Variants in SLC5A10 observed in about 807,000 individuals in gnomAD.
The protein encoded by SLC5A10 is solute carrier family 5 member 10, also known as sodium/mannose cotransporter SLC5A10.
Under a neutral mutation model 68.9 loss-of-function variants are expected in SLC5A10, and 55 were observed. The ratio of observed to expected loss-of-function variants is 0.80; its 90% CI spans 0.64 to 1.00. The LOEUF is 1.00. Ranked by LOEUF, SLC5A10 falls within the 50% of genes least tolerant of loss-of-function variation. The pLI is 0.00. For synonymous variants in SLC5A10, 344 were observed against 344.8 expected, an observed-to-expected ratio of 1.00 and a Z score of 0.02; for missense variants, 732 against 819.3, an observed-to-expected ratio of 0.89 and a Z score of 1.30.
intron 9 of SLC5A10, chr17:18,978,554 T>C: frequency 3.7e-6 from 6 of 1,613,322 alleles, no homozygotes; most frequent in Non-Finnish European, 4.2e-6. Flanking sequence ...CAGGGGCTTC[T>C]TGGCCTCCTG....
In SLC5A10 at chr17:19,019,431, T is replaced by C. The variant is rs1481584677; in HGVS notation, c.1250T>C (p.Ile417Thr). The change falls in exon 12 of 15, where the codon ATA becomes ACA. Residue 417 changes from isoleucine (I) to threonine (T), a missense_variant. Physicochemically the swap from Ile to Thr is moderately conservative, Grantham distance 89. Transcript: ENST00000395645. The stretch of plus-strand genomic sequence containing the variant: ...CTTCCACTCGCCTGCAGGCTGGTCA[T>C]AGTGGCACTCATCGGCGTGAGTGTG... ...RELLLVGRLVIVALIGVSVAW... is the reference protein window; with the variant it reads ...RELLLVGRLVTVALIGVSVAW... 3 of 1,610,480 alleles carry C rather than the reference T, an allele frequency of 1.9e-6. No individual in the cohort carries two copies. The highest frequency in any genetic ancestry group is 1.7e-6 in the Non-Finnish European group (2 of 1,179,790).
chr17:19,015,069 G>T lies in SLC5A10; in HGVS notation c.1111G>T (p.Ala371Ser), dbSNP rs2044106357. The change falls in exon 11 of 15, where the codon GCA (alanine) becomes TCA (serine). Residue 371 changes from alanine to serine, a missense_variant. Physicochemically the swap from Ala to Ser is moderately conservative, Grantham distance 99. Coordinates refer to ENST00000395645, the MANE Select transcript of SLC5A10 (RefSeq NM_001042450.4). ...MPIGLRGLMIAVMLAALMSSL... is the reference protein window; with the variant it reads ...MPIGLRGLMISVMLAALMSSL... ...CCCAGGTCTGCGGGGGCTGATGATC[G>T]CAGTGATGCTGGCGGCGCTCATGTC... 2.5e-6 allele frequency: 4 copies of T among 1,613,848 alleles called. No individual in the cohort carries two copies.
At chr17:18,977,140 A>G (rs1204807766) in intron 9 of SLC5A10, 151 bp downstream of exon 9, 1 of 1,029,608 alleles carries the variant, frequency 9.7e-7, no homozygotes, top group Admixed American at 2.4e-5. Flanking sequence ...CAGGGCCACA[A>G]TCAAAGGGAT....
intron 9 of SLC5A10, chr17:18,978,870 C>T (rs758249096): frequency 1.7e-5 from 28 of 1,608,528 alleles, no homozygotes; most frequent in South Asian, 4.4e-5. Context: ...AGGGAGGGGG[C>T]GCTGGTCAGG....
chr17:18,962,810 G>C (rs2042637945), intron 5 of SLC5A10, among the ~76,000 whole-genome samples: 1 of 152,162 alleles, frequency 6.6e-6, no homozygotes, highest in African/African-American at 2.4e-5. Flanking sequence ...GGGAGACTGA[G>C]CCATGGGCAC....
At chr17:18,953,182 C>A (rs1431059790) in intron 1 of SLC5A10, among the ~76,000 whole-genome samples, 1 of 143,496 alleles carries the variant, frequency 7.0e-6, no homozygotes, top group Non-Finnish European at 1.5e-5. Flanking sequence ...GTCACCTGGG[C>A]TGGAGTGCAG....
rs1409814134 is a variant in SLC5A10 at position 18,971,676 on chromosome 17, T to C, written c.846+458T>C. 1.9e-6 allele frequency: 3 copies of C among 1,611,198 alleles called. No homozygotes were observed. Among genetic ancestry groups the C allele is most frequent in the Non-Finnish European group, 2.5e-6 (3 of 1,178,482 alleles). The stretch of plus-strand genomic sequence containing the variant: ...ACGCTGTCAGCAGCAGAGCGGTACC[T>C]AGGGGGTCCTGGGAAGCCGTCTTTA... On this transcript the variant is annotated intron_variant, in intron 8 of 14. Transcript: ENST00000395645. This position sits in a 1 kb window ranked among gnomAD's most constrained non-coding sequence, Gnocchi z 5.5.
At chr17:18,978,088 G>A (rs1416691507) in intron 9 of SLC5A10, 6 of 1,516,668 alleles carry the variant, frequency 4.0e-6, no homozygotes, top group Non-Finnish European at 4.4e-6. Flanking sequence ...GGAGCTCCAG[G>A]ACCCAGCCAA....
At chr17:18,965,481 C>T (rs2042691501) in intron 5 of SLC5A10, among the ~76,000 whole-genome samples, 1 of 152,352 alleles carries the variant, frequency 6.6e-6, no homozygotes, top group East Asian at 1.9e-4. Context: ...AGGGCAAGGG[C>T]CCAGGCCGGG....
chr17:18,958,866 C>G, intron 2 of SLC5A10, 113 bp downstream of exon 2: 2 of 1,282,668 alleles, frequency 1.6e-6, no homozygotes, highest in Non-Finnish European at 2.2e-6. Context: ...TGGAGCAGGC[C>G]GGAGGCTGGC....
At chr17:18,962,369 G>A (rs1339072536) in intron 5 of SLC5A10, among the ~76,000 whole-genome samples, 3 of 152,244 alleles carry the variant, frequency 2.0e-5, no homozygotes, top group East Asian at 3.9e-4. Flanking sequence ...GGGGGTGGTC[G>A]GGGCTGGAGG....
chr17:18,958,780 C>A (rs769095543), intron 2 of SLC5A10, 27 bp downstream of exon 2: 28 of 1,611,326 alleles, frequency 1.7e-5, no homozygotes, highest in Non-Finnish European at 2.2e-5. Flanking sequence ...TTCTCACACA[C>A]CCCCACTTTG....
At chr17:18,993,483 C>T (rs895895788) in intron 9 of SLC5A10, among the ~76,000 whole-genome samples, 1 of 152,158 alleles carries the variant, frequency 6.6e-6, no homozygotes, top group Admixed American at 6.5e-5. Context: ...ACTCACCTCA[C>T]CCTCCTAGGC....
intron 9 of SLC5A10, among the ~76,000 whole-genome samples, chr17:18,986,939 G>C (rs556057604): frequency 6.6e-6 from 1 of 152,232 alleles, no homozygotes; most frequent in Non-Finnish European, 1.5e-5. Flanking sequence ...CTAATTACGC[G>C]GCGGGGAGTG....
intron 9 of SLC5A10, among the ~76,000 whole-genome samples, chr17:19,006,617 T>G (rs1400623178): frequency 1.3e-5 from 2 of 152,170 alleles, no homozygotes; most frequent in Non-Finnish European, 2.9e-5. Flanking sequence ...TAACCACCAT[T>G]ACAGTCAAGA....
chr17:19,019,696 G>A lies in SLC5A10; in HGVS notation c.1411-17G>A, dbSNP rs747924918. 8.1e-6 allele frequency: 13 copies of A among 1,606,360 alleles called. No homozygotes were observed. Among genetic ancestry groups the A allele is most frequent in the Non-Finnish European group, 9.3e-6 (11 of 1,178,724 alleles). On this transcript the variant is annotated splice_polypyrimidine_tract_variant and intron_variant, in intron 12 of 14. Coordinates refer to ENST00000395645, the MANE Select transcript of SLC5A10 (RefSeq NM_001042450.4). Reference sequence around the variant, plus strand: ...CTCCTCCCGTAGCCCCACATGCCCTGCCTCCCTCCTCCCCAGGGGGCCTTC... The same window carrying A: ...CTCCTCCCGTAGCCCCACATGCCCTACCTCCCTCCTCCCCAGGGGGCCTTC...
At chr17:18,963,269 G>C (rs564113382) in intron 5 of SLC5A10, among the ~76,000 whole-genome samples, 1 of 152,320 alleles carries the variant, frequency 6.6e-6, no homozygotes, top group East Asian at 1.9e-4. Flanking sequence ...ATGACACACT[G>C]AGGTCCAGGT....
At position 19,017,489 on chromosome 17, in the gene SLC5A10, G is replaced by T; in HGVS notation, c.1242-1934G>T. 1 of 1,175,434 alleles carries T rather than the reference G, an allele frequency of 8.5e-7. No individual in the cohort carries two copies. The highest frequency in any genetic ancestry group is 1.2e-6 in the Non-Finnish European group (1 of 813,012). 72.8% of individuals were successfully genotyped at this position (1,175,434 alleles called of 1,614,324 possible). ...CCAGAGGCCTGGAGAGGAGGCCATCGCAGGGCCGGGTGCAGTACCATGCCG... is the reference window on the plus strand; with the variant it reads ...CCAGAGGCCTGGAGAGGAGGCCATCTCAGGGCCGGGTGCAGTACCATGCCG... On this transcript the variant is annotated intron_variant, in intron 11 of 14. Coordinates refer to ENST00000395645, the MANE Select transcript of SLC5A10 (RefSeq NM_001042450.4). This position sits in a 1 kb window ranked among gnomAD's most constrained non-coding sequence, Gnocchi z 5.6.
At chr17:18,980,257 A>C (rs1255414595) in intron 9 of SLC5A10, among the ~76,000 whole-genome samples, 1 of 152,144 alleles carries the variant, frequency 6.6e-6, no homozygotes, top group East Asian at 1.9e-4. Context: ...CAGGACTCAC[A>C]GCAAACCTTT....
Sources: gnomAD v4.1 joint callset for allele counts (sites outside exome capture counted in the v4.1 genomes callset) on GRCh38, gnomAD v4.1.1 for gene constraint, Gnocchi (gnomAD v3.1) non-coding constraint, MANE v1.5 for transcripts, NCBI Gene and HGNC (gene_info 2026-07-23, HGNC 2026-07-21) for gene names.